The following GRM7 variants were observed in gnomAD, a reference collection of about 807,000 sequenced individuals.
The protein encoded by GRM7 is metabotropic glutamate receptor 7.
Under a neutral mutation model 84.5 loss-of-function variants are expected in GRM7, and 35 were observed. The observed-to-expected ratio is 0.41, with a 90% CI of 0.32 to 0.55. The LOEUF is 0.55. Among genes scored for constraint, GRM7 ranks in the 20% least tolerant of loss-of-function variants. The probability of loss-of-function intolerance (pLI) is 0.19; values close to 1 mark genes in which losing one functional copy is unlikely to be tolerated. For missense variants in GRM7, 1,003 were observed against 1,194.6 expected (o/e 0.84, Z 2.36); for synonymous variants, 487 against 455.1 (o/e 1.07, Z -0.89).
intron 7 of GRM7, chr3:7,520,323 T>C (rs938753946): frequency 2.6e-5 from 4 of 152,178 alleles, no homozygotes; most frequent in African/African-American, 4.8e-5. Context: ...AGGCAAGTTC[T>C]TATTGAATTA....
intron 7 of GRM7, chr3:7,561,311 T>C: frequency 3.8e-6 from 1 of 260,290 alleles, no homozygotes; most frequent in Admixed American, 4.5e-5. Context: ...TTAAATTACA[T>C]TGAATTTAGT....
chr3:7,092,609 G>C lies in GRM7; in HGVS notation c.520-53843G>C, dbSNP rs533938984. Among the ~76,000 whole-genome samples, 38 of 146,574 alleles carry C rather than the reference G, an allele frequency of 2.6e-4. 1 individual carries two copies. In the South Asian group the frequency reaches 7.7e-3, roughly 30 times the overall value. On this transcript the variant is annotated intron_variant, in intron 1 of 9. Transcript: ENST00000357716. ...AAAATGTTCTTTGAATTGGGGGGGG[G>C]GCAATTTAGATTAAAAGTCACTTGA...
intron 2 of GRM7, among the ~76,000 whole-genome samples, chr3:7,219,514 T>C (rs1295643950): frequency 6.6e-6 from 1 of 152,206 alleles, no homozygotes; most frequent in African/African-American, 2.4e-5. Flanking sequence ...CCTTCACTGT[T>C]GGAGTGGGAG....
intron 2 of GRM7, among the ~76,000 whole-genome samples, chr3:7,256,109 C>A (rs115144343): frequency 0.033 from 5,033 of 152,218 alleles, 267 homozygotes; most frequent in African/African-American, 0.11. Context: ...TTCCAGAGCC[C>A]TTGTCTGGTG....
intron 1 of GRM7, among the ~76,000 whole-genome samples, chr3:6,977,831 CTG>C (rs1286957633): frequency 6.6e-6 from 1 of 152,126 alleles, no homozygotes; most frequent in African/African-American, 2.4e-5. Context: ...GTAGTCCTAA[CTG>C]ATAGTATTTT....
At chr3:7,610,254 G>A (rs1421945740) in intron 8 of GRM7, among the ~76,000 whole-genome samples, 1 of 152,138 alleles carries the variant, frequency 6.6e-6, no homozygotes, top group South Asian at 2.1e-4. Flanking sequence ...AATGTGCAAA[G>A]CCACTCATGA....
chr3:7,411,056 T>C (rs1695915811), intron 4 of GRM7, among the ~76,000 whole-genome samples: 2 of 152,078 alleles, frequency 1.3e-5, no homozygotes, highest in African/African-American at 4.8e-5. Context: ...CAATACCCCA[T>C]CTGTGTTCTT....
chr3:7,518,610 C>G (rs182792833), intron 7 of GRM7, among the ~76,000 whole-genome samples: 1 of 152,220 alleles, frequency 6.6e-6, no homozygotes, highest in African/African-American at 2.4e-5. Flanking sequence ...TTTCAAACAT[C>G]AAAAATATAA....
intron 1 of GRM7, among the ~76,000 whole-genome samples, chr3:7,014,342 T>C (rs1303894839): frequency 1.3e-5 from 2 of 152,144 alleles, no homozygotes; most frequent in Non-Finnish European, 1.5e-5. Flanking sequence ...ATTTTATTTA[T>C]TTTTTAATAA....
intron 4 of GRM7, among the ~76,000 whole-genome samples, chr3:7,385,915 A>C (rs1419763328): frequency 2.0e-5 from 3 of 152,242 alleles, no homozygotes; most frequent in East Asian, 3.9e-4. Context: ...AATGGAATGC[A>C]TTCATAGGAA....
At chr3:6,876,228 A>C (rs1277184576) in intron 1 of GRM7, among the ~76,000 whole-genome samples, 1 of 151,872 alleles carries the variant, frequency 6.6e-6, no homozygotes, top group African/African-American at 2.4e-5. Context: ...AGATCGCACC[A>C]CTGCACTCCA....
At chr3:7,079,384 A>T (rs1698204409) in intron 1 of GRM7, among the ~76,000 whole-genome samples, 1 of 152,168 alleles carries the variant, frequency 6.6e-6, no homozygotes, top group Admixed American at 6.6e-5. Flanking sequence ...TCTTTAGAAG[A>T]ATGATACTTC....
intron 1 of GRM7, among the ~76,000 whole-genome samples, chr3:6,973,984 C>T (rs1246587715): frequency 6.6e-6 from 1 of 152,118 alleles, no homozygotes; most frequent in East Asian, 1.9e-4. Flanking sequence ...AGACCAGTTA[C>T]CCAGCTCCTA....
chr3:7,454,853 G>C (rs1463435202), intron 6 of GRM7, among the ~76,000 whole-genome samples: 2 of 152,082 alleles, frequency 1.3e-5, no homozygotes, highest in African/African-American at 4.8e-5. Context: ...GCCTGGCTCT[G>C]TTCCCTGAGA....
chr3:7,310,978 C>T (rs1167877895), intron 4 of GRM7, among the ~76,000 whole-genome samples: 4 of 152,144 alleles, frequency 2.6e-5, no homozygotes. Context: ...CCTTGTTCCA[C>T]ATCTCATCCC....
chr3:7,306,771 A>G, intron 4 of GRM7, 119 bp downstream of exon 4: 1 of 772,572 alleles, frequency 1.3e-6, no homozygotes, highest in Non-Finnish European at 2.0e-6. Context: ...GGTTGTTTCA[A>G]ACTTATAGCC....
intron 2 of GRM7, among the ~76,000 whole-genome samples, chr3:7,247,376 A>C (rs1171095696): frequency 6.6e-6 from 1 of 151,982 alleles, no homozygotes. Context: ...GTTTGAGACC[A>C]GCTTGGGCAA....
intron 1 of GRM7, among the ~76,000 whole-genome samples, chr3:7,038,288 G>A (rs1264788378): frequency 6.6e-6 from 1 of 152,116 alleles, no homozygotes; most frequent in African/African-American, 2.4e-5. Flanking sequence ...AGGCTCCAAG[G>A]TATTCATTAA....
intron 8 of GRM7, among the ~76,000 whole-genome samples, chr3:7,614,522 T>C (rs574131082): frequency 1.6e-4 from 24 of 152,332 alleles, no homozygotes; most frequent in Non-Finnish European, 2.9e-4. Flanking sequence ...GTTCTTCTAC[T>C]TAAAACATAT....
Sources: gnomAD v4.1 joint callset for allele counts (sites outside exome capture counted in the v4.1 genomes callset) on GRCh38, gnomAD v4.1.1 for gene constraint, MANE v1.5 for transcripts, NCBI Gene and HGNC (gene_info 2026-07-23, HGNC 2026-07-21) for gene names.